TTC28: variants seen among roughly 807,000 people sequenced by gnomAD.
TTC28 encodes tetratricopeptide repeat protein 28.
Under a neutral mutation model 198.0 loss-of-function variants are expected in TTC28, and 61 were observed. That is an observed-to-expected ratio of 0.31 (90% CI 0.25 to 0.38). TTC28 has a LOEUF of 0.38. Among genes scored for constraint, TTC28 ranks in the 10% least tolerant of loss-of-function variants. TTC28 has a pLI of 1.00. For missense variants in TTC28, 2,678 were observed against 3,164.0 expected (o/e 0.85, Z 3.69); for synonymous variants, 1,171 against 1,297.8 (o/e 0.90, Z 2.10).
intron 2 of TTC28, among the ~76,000 whole-genome samples, chr22:28,583,362 G>T (rs1480654643): frequency 6.6e-6 from 1 of 152,230 alleles, no homozygotes; most frequent in East Asian, 1.9e-4. Flanking sequence ...AAAATAAATT[G>T]CACTGGGACA....
chr22:28,287,523 TA>T (rs1373604851), intron 5 of TTC28, among the ~76,000 whole-genome samples: 1 of 152,094 alleles, frequency 6.6e-6, no homozygotes, highest in Non-Finnish European at 1.5e-5. Flanking sequence ...AAATGACAAC[TA>T]AACCTGAAAA....
At chr22:28,649,117 C>T (rs1189578728) in intron 1 of TTC28, among the ~76,000 whole-genome samples, 6 of 152,184 alleles carry the variant, frequency 3.9e-5, no homozygotes, top group South Asian at 2.1e-4. Flanking sequence ...GAATGGAAAA[C>T]GTAATCCCAC....
chr22:28,544,963 A>G (rs1006032700), intron 2 of TTC28, among the ~76,000 whole-genome samples: 2 of 152,190 alleles, frequency 1.3e-5, no homozygotes, highest in African/African-American at 4.8e-5. Context: ...TACTCAATCG[A>G]GCAGCCCATG....
At chr22:28,540,103 C>T (rs1351437355) in intron 2 of TTC28, among the ~76,000 whole-genome samples, 1 of 151,898 alleles carries the variant, frequency 6.6e-6, no homozygotes, top group African/African-American at 2.4e-5. Flanking sequence ...GCCACCACGC[C>T]CAGCTAATTT....
At chr22:28,562,618 A>G (rs978923786) in intron 2 of TTC28, among the ~76,000 whole-genome samples, 1 of 152,134 alleles carries the variant, frequency 6.6e-6, no homozygotes, top group Non-Finnish European at 1.5e-5. Flanking sequence ...GGTAGAAGGG[A>G]GTAGCTGAAA....
chr22:28,153,670 AC>A (rs1943670400), intron 6 of TTC28, among the ~76,000 whole-genome samples: 1 of 152,208 alleles, frequency 6.6e-6, no homozygotes, highest in Non-Finnish European at 1.5e-5. Context: ...CTACCACATA[AC>A]TAATGTTCGA....
chr22:28,608,103 A>C (rs557302108), intron 2 of TTC28, among the ~76,000 whole-genome samples: 31 of 152,342 alleles, frequency 2.0e-4, no homozygotes, highest in African/African-American at 7.2e-4. Context: ...CAACACAAGA[A>C]GTGTTTCTTC....
intron 2 of TTC28, among the ~76,000 whole-genome samples, chr22:28,570,320 T>C (rs1373989184): frequency 1.3e-5 from 2 of 152,160 alleles, no homozygotes; most frequent in African/African-American, 2.4e-5. Context: ...TGCCCATCAA[T>C]GGTGGACAAG....
chr22:28,610,651 G>C (rs1004373423), intron 2 of TTC28, among the ~76,000 whole-genome samples: 7 of 152,132 alleles, frequency 4.6e-5, no homozygotes, highest in African/African-American at 1.7e-4. Flanking sequence ...CCAAAAACCA[G>C]AACGCCTCTT....
chr22:28,432,538 A>G (rs541456315), intron 2 of TTC28, among the ~76,000 whole-genome samples: 1 of 152,174 alleles, frequency 6.6e-6, no homozygotes, highest in Non-Finnish European at 1.5e-5. Context: ...TATTGGTTCT[A>G]TAATAGCCCA....
At chr22:28,561,983 C>T (rs1412268625) in intron 2 of TTC28, among the ~76,000 whole-genome samples, 1 of 152,066 alleles carries the variant, frequency 6.6e-6, no homozygotes, top group Non-Finnish European at 1.5e-5. Flanking sequence ...GATTTGTATA[C>T]CATTATATCT....
chr22:28,229,042 A>G (rs1172659530), intron 5 of TTC28, among the ~76,000 whole-genome samples: 2 of 149,904 alleles, frequency 1.3e-5, no homozygotes, highest in East Asian at 2.0e-4. Context: ...TGTAGTCCCA[A>G]CTACTCAGGA....
At chr22:27,988,561 T>A (rs1937292218) in intron 21 of TTC28, among the ~76,000 whole-genome samples, 1 of 152,104 alleles carries the variant, frequency 6.6e-6, no homozygotes, top group South Asian at 2.1e-4. Flanking sequence ...GTGCTGGGAT[T>A]ACAGGAGTGA....
At chr22:28,649,637 T>A (rs1204571919) in intron 1 of TTC28, among the ~76,000 whole-genome samples, 7 of 152,224 alleles carry the variant, frequency 4.6e-5, no homozygotes, top group Non-Finnish European at 1.0e-4. Context: ...ATCTCTACAG[T>A]GTTCTCTTGA....
At chr22:28,483,285 C>G (rs1310197694) in intron 2 of TTC28, among the ~76,000 whole-genome samples, 1 of 152,034 alleles carries the variant, frequency 6.6e-6, no homozygotes, top group Non-Finnish European at 1.5e-5. Flanking sequence ...AGTGTCATGT[C>G]AGATGGCAGT....
chr22:28,390,424 T>C (rs1243362547), intron 2 of TTC28, among the ~76,000 whole-genome samples: 3 of 152,104 alleles, frequency 2.0e-5, no homozygotes, highest in Non-Finnish European at 4.4e-5. Flanking sequence ...CGTTGATCTG[T>C]CTAATGTTGA....
At chr22:28,217,473 T>C (rs996628090) in intron 5 of TTC28, among the ~76,000 whole-genome samples, 1 of 152,242 alleles carries the variant, frequency 6.6e-6, no homozygotes, top group Admixed American at 6.5e-5. Context: ...TAACTGTATA[T>C]AATCTCCTAA....
intron 5 of TTC28, among the ~76,000 whole-genome samples, chr22:28,275,587 T>C (rs1163872410): frequency 3.3e-5 from 5 of 152,180 alleles, no homozygotes; most frequent in Admixed American, 3.3e-4. Context: ...AACTTATAAT[T>C]GTTTTACATG....
At chr22:28,143,156 G>A (rs545034581) in intron 6 of TTC28, among the ~76,000 whole-genome samples, 1 of 152,310 alleles carries the variant, frequency 6.6e-6, no homozygotes, top group East Asian at 1.9e-4. Context: ...TGACTCCCAA[G>A]ATAAGAATGA....
Sources: allele counts gnomAD v4.1 joint callset (sites outside exome capture counted in the v4.1 genomes callset), GRCh38; gene constraint gnomAD v4.1.1; transcripts MANE v1.5; gene names NCBI Gene and HGNC (gene_info 2026-07-23, HGNC 2026-07-21).